Variants in ECT2L observed in about 807,000 individuals in gnomAD.
The protein encoded by ECT2L is epithelial cell transforming 2 like.
Under a neutral mutation model 122.8 loss-of-function variants are expected in ECT2L, and 126 were observed. That is an observed-to-expected ratio of 1.03 (90% CI 0.89 to 1.19). The LOEUF is 1.19. Among genes scored for constraint, ECT2L ranks in the 50% most tolerant of loss-of-function variants. The pLI, the probability that ECT2L is intolerant of heterozygous loss-of-function variation, is 0.00. For synonymous variants in ECT2L, 385 were observed against 381.8 expected (o/e 1.01, Z -0.10); for missense variants, 1,012 against 1,064.1 (o/e 0.95, Z 0.68).
intron 16 of ECT2L, among the ~76,000 whole-genome samples, chr6:138,883,128 A>C (rs867350238): frequency 6.6e-6 from 1 of 152,216 alleles, no homozygotes; most frequent in Non-Finnish European, 1.5e-5. Flanking sequence ...CCTGCCCCAG[A>C]TACCCTCAGC....
intron 20 of ECT2L, among the ~76,000 whole-genome samples, chr6:138,900,263 T>C (rs1478524703): frequency 6.6e-6 from 1 of 152,168 alleles, no homozygotes; most frequent in Non-Finnish European, 1.5e-5. Context: ...CTTTTTTTTT[T>C]TGAGGCGGAG....
intron 4 of ECT2L, among the ~76,000 whole-genome samples, chr6:138,836,667 T>C (rs1776851136): frequency 8.8e-6 from 1 of 113,292 alleles, no homozygotes; most frequent in Non-Finnish European, 1.8e-5. Context: ...CTTGTACTAA[T>C]TGGTGTTCTG....
intron 16 of ECT2L, among the ~76,000 whole-genome samples, 185 bp downstream of exon 16, chr6:138,883,056 C>T (rs1778697869): frequency 6.6e-6 from 1 of 152,158 alleles, no homozygotes; most frequent in Non-Finnish European, 1.5e-5. Context: ...ATTTGACACC[C>T]AGCATTGCCA....
chr6:138,830,013 C>T (rs915602025), intron 4 of ECT2L, among the ~76,000 whole-genome samples: 2 of 152,132 alleles, frequency 1.3e-5, no homozygotes, highest in Admixed American at 1.3e-4. Flanking sequence ...CGTGAGCCAC[C>T]GCGCCCAGCC....
intron 13 of ECT2L, among the ~76,000 whole-genome samples, chr6:138,872,291 A>G (rs1778284735): frequency 6.6e-6 from 1 of 152,144 alleles, no homozygotes; most frequent in Non-Finnish European, 1.5e-5. Context: ...CCATTCTCTA[A>G]ATATTTGCAG....
chr6:138,874,079 C>T (rs1778359336), intron 13 of ECT2L, among the ~76,000 whole-genome samples: 1 of 152,160 alleles, frequency 6.6e-6, no homozygotes, highest in Non-Finnish European at 1.5e-5. Context: ...TGAACTCTAC[C>T]TGTCATTTTC....
rs1208925551 is a variant in ECT2L at position 138,889,978 on chromosome 6, A to C, written c.2414+947A>C. Among the ~76,000 whole-genome samples, 3 of 152,220 alleles carry C rather than the reference A, an allele frequency of 2.0e-5. No individual in the cohort carries two copies. In the East Asian group the frequency reaches 5.8e-4, roughly 29 times the overall value. Reference sequence around the variant, plus strand: ...AGCAGCTCTATCAATGACACAACACATAACAAGTAATACACTATTCATAAA... The same window carrying C: ...AGCAGCTCTATCAATGACACAACACCTAACAAGTAATACACTATTCATAAA... On this transcript the variant is annotated intron_variant, in intron 20 of 21. Transcript: ENST00000541398.
In ECT2L at chr6:138,880,959, G is replaced by A. The variant is rs1402050608; in HGVS notation, c.1668G>A (p.Glu556=). ...GAGTTCTTAACACTTCTCTACAGGAGAGAATACTCCAGAAGGACTCAGCAG... is the reference window on the plus strand; with the variant it reads ...GAGTTCTTAACACTTCTCTACAGGAAAGAATACTCCAGAAGGACTCAGCAG... ...DLNFEALINL[E]RILQKDSAEK... is the part of the protein sequence containing the mutation. Residue 556 remains glutamate (E), a splice_region_variant and synonymous_variant, in exon 15 of 22, where the codon GAG becomes GAA. Coordinates refer to ENST00000541398, the MANE Select transcript of ECT2L (RefSeq NM_001077706.3). 6.2e-7 allele frequency: 1 copy of A among 1,613,454 alleles called. No homozygotes were observed. The highest frequency in any genetic ancestry group is 1.1e-5 in the South Asian group (1 of 91,030).
rs1779448635 is a variant in ECT2L, at chr6:138,902,810, T to C, written c.*183T>C. 1.5e-6 allele frequency: 1 copy of C among 660,658 alleles called. No individual in the cohort carries two copies. The highest frequency in any genetic ancestry group is 1.8e-5 in the African/African-American group (1 of 54,300). The allele number at this position is 660,658 out of a possible 1,614,324, so 40.9% of individuals were successfully genotyped here. ...ATCACTTGTGCTCACTTATGTAGAATGTATAAGTACATTTTGAGTCCAAAA... is the reference window on the plus strand; with the variant it reads ...ATCACTTGTGCTCACTTATGTAGAACGTATAAGTACATTTTGAGTCCAAAA... On this transcript the variant is annotated 3_prime_UTR_variant, in exon 22 of 22. Transcript: ENST00000541398.
intron 9 of ECT2L, 152 bp from the exon 10 acceptor site, chr6:138,853,874 A>G (rs1438830657): frequency 1.5e-5 from 12 of 794,472 alleles, no homozygotes; most frequent in African/African-American, 3.5e-5. Context: ...TGGCTCCAAC[A>G]TGGTACGGGA....
chr6:138,893,174 GTT>G (rs367734062), intron 20 of ECT2L, among the ~76,000 whole-genome samples: 2 of 135,532 alleles, frequency 1.5e-5, no homozygotes, highest in Admixed American at 7.3e-5. Flanking sequence ...GTTTTTTTTT[GTT>G]TTTTTTTTGT....
chr6:138,903,900 G>A lies in ECT2L; in HGVS notation c.*1273G>A, dbSNP rs568318159. 3 of 151,996 alleles carry A rather than the reference G, an allele frequency of 2.0e-5. No individual in the cohort carries two copies. The highest frequency in any genetic ancestry group is 2.9e-5 in the Non-Finnish European group (2 of 68,000). The allele number at this position is 151,996 out of a possible 1,614,324, so 9.4% of individuals were successfully genotyped here. On this transcript the variant is annotated 3_prime_UTR_variant, in exon 22 of 22. Coordinates refer to ENST00000541398, the MANE Select transcript of ECT2L (RefSeq NM_001077706.3). Reference sequence around the variant, plus strand: ...CTTGTTTACAGTAACAAAGTCTATCGGTGCAGTTTAGGACTGTGAATCTAT... The same window carrying A: ...CTTGTTTACAGTAACAAAGTCTATCAGTGCAGTTTAGGACTGTGAATCTAT...
chr6:138,870,753 A>C (rs1002957068), intron 13 of ECT2L, among the ~76,000 whole-genome samples: 1 of 152,222 alleles, frequency 6.6e-6, no homozygotes, highest in Non-Finnish European at 1.5e-5. Flanking sequence ...TCACGCTTGC[A>C]ATCCCAGCAC....
chr6:138,848,599 A>T (rs1318075260), intron 8 of ECT2L, among the ~76,000 whole-genome samples: 1 of 152,210 alleles, frequency 6.6e-6, no homozygotes, highest in Non-Finnish European at 1.5e-5. Context: ...TCTTCCGGGC[A>T]TCTAAGAGTC....
chr6:138,885,608 G>T (rs778896995), intron 17 of ECT2L, 29 bp downstream of exon 17: 2 of 1,614,048 alleles, frequency 1.2e-6, no homozygotes, highest in East Asian at 2.2e-5. Context: ...CACAGCAGGG[G>T]TCCCCCCAGA....
At chr6:138,890,266 G>C (rs564894389) in intron 20 of ECT2L, among the ~76,000 whole-genome samples, 4 of 151,828 alleles carry the variant, frequency 2.6e-5, no homozygotes, top group African/African-American at 9.7e-5. Context: ...CAAAGGGAGG[G>C]GAATTAACTC....
intron 20 of ECT2L, among the ~76,000 whole-genome samples, chr6:138,900,062 G>T (rs1186672889): frequency 6.6e-6 from 1 of 152,204 alleles, no homozygotes; most frequent in Non-Finnish European, 1.5e-5. Flanking sequence ...AGCAACCTCA[G>T]CAAAAACAAA....
intron 9 of ECT2L, among the ~76,000 whole-genome samples, chr6:138,851,528 T>C (rs947516447): frequency 1.3e-5 from 2 of 148,328 alleles, no homozygotes; most frequent in African/African-American, 2.5e-5. Flanking sequence ...TCCTAATGGA[T>C]GTAATATCTC....
intron 13 of ECT2L, among the ~76,000 whole-genome samples, chr6:138,873,898 G>GTGTGTGTGTA (rs1554277025): frequency 5.2e-4 from 78 of 150,242 alleles, no homozygotes; most frequent in African/African-American, 1.7e-3. Flanking sequence ...GTGTGTGTGT[G>GTGTGTGTGTA]TGTGTGTGTG....
Sources: gnomAD v4.1 joint callset for allele counts (sites outside exome capture counted in the v4.1 genomes callset) on GRCh38, gnomAD v4.1.1 for gene constraint, MANE v1.5 for transcripts, NCBI Gene and HGNC (gene_info 2026-07-23, HGNC 2026-07-21) for gene names.